ZNF48: variants seen among roughly 807,000 people sequenced by gnomAD.
ZNF48 encodes the protein zinc finger protein 553.
A neutral mutation model predicts 40.0 loss-of-function variants in ZNF48; 20 were observed. That is an observed-to-expected ratio of 0.50 (90% CI 0.35 to 0.73). The LOEUF (loss-of-function observed/expected upper bound fraction) is 0.73, where lower values mean the gene tolerates loss of function less well. ZNF48 is among the 30% of genes least tolerant of loss of function. The probability of loss-of-function intolerance (pLI) is 0.01; values close to 1 mark genes in which losing one functional copy is unlikely to be tolerated. For synonymous variants in ZNF48, 298 were observed against 329.7 expected (o/e 0.90, Z 1.04); for missense variants, 726 against 851.9 (o/e 0.85, Z 1.84).
chr16:30,397,258 C>T lies in ZNF48; in HGVS notation c.80-72C>T, dbSNP rs957442675. ...ACCACAGATTGTCAAGGGAGTCTTC[C>T]TGGAGAGGTTGCTGTCAAAGATAAG... On this transcript the variant is annotated intron_variant, in intron 2 of 2. Transcript: ENST00000613509. This position sits in a 1 kb window ranked among gnomAD's most constrained non-coding sequence, Gnocchi z 4.1. The T allele has an allele frequency of 2.0e-5, 28 of 1,389,276 alleles. No individual in the cohort carries two copies. The African/African-American group carries it at 2.9e-4, about 14-fold the overall frequency. The allele number at this position is 1,389,276 out of a possible 1,614,324, so 86.1% of individuals were successfully genotyped here. A position where few individuals can be genotyped will look rare whatever the true frequency, so the allele number is the denominator to read the frequency against.
intron 1 of ZNF48, among the ~76,000 whole-genome samples, chr16:30,384,101 G>A (rs949236024): frequency 6.6e-6 from 1 of 152,126 alleles, no homozygotes; most frequent in Non-Finnish European, 1.5e-5. Context: ...TATAATTCCA[G>A]CTACTTGGGA....
chr16:30,389,406 A>G (rs1407599227), intron 1 of ZNF48, among the ~76,000 whole-genome samples: 1 of 145,890 alleles, frequency 6.9e-6, no homozygotes, highest in African/African-American at 2.6e-5. Context: ...AAAAAAAAAA[A>G]TAATAATAAT....
At chr16:30,379,548 G>A (rs770682010) in intron 1 of ZNF48, 2 of 1,606,568 alleles carry the variant, frequency 1.2e-6, no homozygotes, top group Non-Finnish European at 1.7e-6. Context: ...GAGGGCAGGG[G>A]GCAGGGGTTC....
chr16:30,379,847 T>G, intron 1 of ZNF48: 1 of 755,830 alleles, frequency 1.3e-6, no homozygotes, highest in South Asian at 1.6e-5. Flanking sequence ...CCTCAGGGGA[T>G]CCTCCCGTCT....
At chr16:30,386,034 G>C (rs1414610467) in intron 1 of ZNF48, among the ~76,000 whole-genome samples, 1 of 152,104 alleles carries the variant, frequency 6.6e-6, no homozygotes, top group African/African-American at 2.4e-5. Context: ...TCAGCACTTT[G>C]GGAGGCCGAG....
At chr16:30,393,818 T>C (rs1206173458), upstream of ZNF48, among the ~76,000 whole-genome samples, 2 of 152,078 alleles carry the variant, frequency 1.3e-5, no homozygotes, top group Non-Finnish European at 2.9e-5. Context: ...TGGGCTCAGG[T>C]GATCCTCCTG....
Position 30,381,343 on chromosome 16 carries a change from G to A in ZNF48, c.-16+2933G>A, listed in dbSNP as rs370943483. 23 of 1,523,088 alleles carry A rather than the reference G, an allele frequency of 1.5e-5. No homozygotes were observed. Among genetic ancestry groups the A allele is most frequent in the South Asian group, 5.6e-5 (5 of 88,610 alleles). The allele number at this position is 1,523,088 out of a possible 1,614,324, so 94.3% of individuals were successfully genotyped here. On this transcript the variant is annotated intron_variant, in intron 1 of 2. Transcript: ENST00000528032. This position sits in a 1 kb window ranked among gnomAD's most constrained non-coding sequence, Gnocchi z 4.3. Reference sequence around the variant, plus strand: ...CCCAGGATCCCCCCACCAGACCCCCGGCCGAAGGGTGAGATGAAGTAGAGG... The same window carrying A: ...CCCAGGATCCCCCCACCAGACCCCCAGCCGAAGGGTGAGATGAAGTAGAGG...
At position 30,382,303 on chromosome 16, in the gene ZNF48, C is replaced by T. The variant is rs753567940; in HGVS notation, c.-16+3893C>T. ...CCACCATTAGCGTGAAGTCAAACCCCTTCTTGACAGACTTGCGGTGCAGCT... is the reference window on the plus strand; with the variant it reads ...CCACCATTAGCGTGAAGTCAAACCCTTTCTTGACAGACTTGCGGTGCAGCT... On this transcript the variant is annotated intron_variant, in intron 1 of 2. Coordinates refer to the ZNF48 transcript ENST00000528032. This position sits in a 1 kb window ranked among gnomAD's most constrained non-coding sequence, Gnocchi z 4.8. 6.2e-7 allele frequency: 1 copy of T among 1,613,924 alleles called. No homozygotes were observed. Among genetic ancestry groups the T allele is most frequent in the South Asian group, 1.1e-5 (1 of 91,070 alleles).
At chr16:30,378,811 TC>T (rs2049791177) in intron 1 of ZNF48, 1 of 989,098 alleles carries the variant, frequency 1.0e-6, no homozygotes, top group African/African-American at 1.8e-5. Context: ...CGGAGCCAGT[TC>T]CTTGAGGTTA....
chr16:30,391,328 T>C (rs1036215194), upstream of ZNF48, among the ~76,000 whole-genome samples: 2 of 152,122 alleles, frequency 1.3e-5, no homozygotes, highest in Non-Finnish European at 2.9e-5. Context: ...TAGCTGGGAT[T>C]ACAGGTGAGC....
At chr16:30,388,866 C>G (rs905447187) in intron 1 of ZNF48, among the ~76,000 whole-genome samples, 4 of 151,908 alleles carry the variant, frequency 2.6e-5, no homozygotes, top group Non-Finnish European at 4.4e-5. Flanking sequence ...TGCACTCCAG[C>G]CTGGGCGACG....
upstream of ZNF48, chr16:30,395,129 G>A (rs2049969094): frequency 4.5e-6 from 2 of 444,674 alleles, no homozygotes; most frequent in Admixed American, 4.8e-5. This position sits in a 1 kb window ranked among gnomAD's most constrained non-coding sequence, Gnocchi z 5.9. Flanking sequence ...GTCTCTCCCA[G>A]GTCGGAGTGG....
At chr16:30,379,617 TC>T (rs1567423818) in intron 1 of ZNF48, 1 of 635,690 alleles carries the variant, frequency 1.6e-6, no homozygotes, top group East Asian at 3.5e-5. Context: ...CACACCCGCC[TC>T]CTCTGCTTCC....
At chr16:30,389,688 G>A (rs980162594) in intron 1 of ZNF48, among the ~76,000 whole-genome samples, 11 of 151,528 alleles carry the variant, frequency 7.3e-5, no homozygotes, top group East Asian at 3.9e-4. Flanking sequence ...TAATTATGGC[G>A]AATCATTCAT....
chr16:30,380,169 G>C (rs2049825717), intron 1 of ZNF48: 1 of 607,850 alleles, frequency 1.6e-6, no homozygotes, highest in African/African-American at 1.9e-5. Flanking sequence ...GATGGGGAGA[G>C]ATGGACATAC....
In ZNF48 at chr16:30,397,741, G is replaced by A. The variant is rs1011981768; in HGVS notation, c.491G>A (p.Gly164Glu). 1.9e-6 allele frequency: 3 copies of A among 1,613,942 alleles called. No individual in the cohort carries two copies. The highest frequency in any genetic ancestry group is 1.7e-5 in the Admixed American group (1 of 59,990). ...ATCAAACACCAGCGGACTCATAGTG[G>A]GGAGAAGCCCTATAGAGCCCGGCCA... is the stretch of plus-strand genomic sequence containing the variant. ...ARIKHQRTHSGEKPYRARPPA... is the reference protein window; with the variant it reads ...ARIKHQRTHSEEKPYRARPPA... Residue 164 changes from glycine to glutamate, a missense_variant, in exon 3 of 3, where the codon GGG (glycine) becomes GAG (glutamate). Gly to Glu is a moderately conservative substitution (Grantham distance 98). This residue lies in a region of ZNF48 where 378 missense variants were observed against 449.1 expected (regional missense o/e 0.84). Coordinates refer to ENST00000613509, the MANE Select transcript of ZNF48 (RefSeq NM_001214909.2). This position sits in a 1 kb window ranked among gnomAD's most constrained non-coding sequence, Gnocchi z 4.1.
Position 30,395,464 on chromosome 16 carries a change from G to T in ZNF48, c.-130G>T. 3.0e-6 allele frequency: 1 copy of T among 335,708 alleles called. No homozygotes were observed. Among genetic ancestry groups the T allele is most frequent in the Non-Finnish European group, 5.8e-6 (1 of 171,568 alleles). 20.8% of individuals were successfully genotyped at this position (335,708 alleles called of 1,614,324 possible). A position where few individuals can be genotyped will look rare whatever the true frequency, so the allele number is the denominator to read the frequency against. ...CCCCGGGACGCCTGGGTCCGAGCCC[G>T]CTCCCGGCTTGGCGCGGAGCCTGCA... is the stretch of plus-strand genomic sequence containing the variant. On this transcript the variant is annotated 5_prime_UTR_variant, in exon 1 of 3. Transcript: ENST00000613509. The surrounding 1 kb of genome is among the most constrained non-coding windows in gnomAD (Gnocchi z 5.9).
In ZNF48 at chr16:30,381,056, A is replaced by G; in HGVS notation, c.-16+2646A>G. 8.0e-7 allele frequency: 1 copy of G among 1,245,372 alleles called. No individual in the cohort carries two copies. Among genetic ancestry groups the G allele is most frequent in the South Asian group, 1.2e-5 (1 of 83,370 alleles). The allele number at this position is 1,245,372 out of a possible 1,614,324, so 77.1% of individuals were successfully genotyped here. A position where few individuals can be genotyped will look rare whatever the true frequency, so the allele number is the denominator to read the frequency against. ...CATGCTCCAGAAAGGCCACTTCAAG[A>G]TCAAAGAAGTCTAAGCTGAAATCAG... On this transcript the variant is annotated intron_variant, in intron 1 of 2. Transcript: ENST00000528032. This position sits in a 1 kb window ranked among gnomAD's most constrained non-coding sequence, Gnocchi z 4.3.
rs539340189 is a variant in ZNF48 at position 30,383,452 on chromosome 16, C to T, written c.-16+5042C>T. 1.8e-4 allele frequency among the ~76,000 whole-genome samples: 28 copies of T among 152,220 alleles called. No individual in the cohort carries two copies. The East Asian group carries it at 5.2e-3, about 28-fold the overall frequency. ...GATCTGCCCGCCTCGGCCTCCCAAA[C>T]TGCTGGGATTACGGGCGTGAGCCAC... On this transcript the variant is annotated intron_variant, in intron 1 of 2. Coordinates refer to the ZNF48 transcript ENST00000528032.
Sources: allele counts gnomAD v4.1 joint callset (sites outside exome capture counted in the v4.1 genomes callset), GRCh38; gene constraint gnomAD v4.1.1; regional missense constraint gnomAD v4.1.1; non-coding constraint Gnocchi (gnomAD v3.1); transcripts MANE v1.5; gene names NCBI Gene and HGNC (gene_info 2026-07-23, HGNC 2026-07-21).